BEND4: variants seen among roughly 807,000 people sequenced by gnomAD.
The protein encoded by BEND4 is BEN domain-containing protein 4.
Under a neutral mutation model 54.7 loss-of-function variants are expected in BEND4, and 27 were observed. The observed-to-expected ratio is 0.49, with a 90% confidence interval of 0.36 to 0.68. The LOEUF (loss-of-function observed/expected upper bound fraction) is 0.68, where lower values mean the gene tolerates loss of function less well. BEND4 is among the 30% of genes least tolerant of loss of function. The pLI, the probability that BEND4 is intolerant of heterozygous loss-of-function variation, is 0.00. For missense variants in BEND4, 702 were observed against 697.2 expected, an observed-to-expected ratio of 1.01 and a Z score of -0.08; for synonymous variants, 327 against 299.5, an observed-to-expected ratio of 1.09 and a Z score of -0.95.
At chr4:42,136,159 G>T (rs570200343) in intron 3 of BEND4, among the ~76,000 whole-genome samples, 1 of 152,088 alleles carries the variant, frequency 6.6e-6, no homozygotes. Context: ...ATCAGAAACC[G>T]ACCTAAGCAT....
intron 3 of BEND4, among the ~76,000 whole-genome samples, chr4:42,128,691 G>C (rs192901955): frequency 1.3e-5 from 2 of 151,754 alleles, no homozygotes; most frequent in Non-Finnish European, 2.9e-5. Flanking sequence ...GAAATAATGG[G>C]TATTCAAGGC....
At position 42,152,160 on chromosome 4, in the gene BEND4, G is replaced by C; in HGVS notation, c.-17C>G. ...TTCCTCCATCCGGCGCCTCGGGGCCGGTCCCTCGGAGCACGTCCCCTCCCC... is the reference window on the plus strand; with the variant it reads ...TTCCTCCATCCGGCGCCTCGGGGCCCGTCCCTCGGAGCACGTCCCCTCCCC... On this transcript the variant is annotated 5_prime_UTR_variant, in exon 2 of 6. Coordinates refer to ENST00000502486, the MANE Select transcript of BEND4 (RefSeq NM_207406.4). 1 of 1,240,934 alleles carries C rather than the reference G, an allele frequency of 8.1e-7. No individual in the cohort carries two copies. The highest frequency in any genetic ancestry group is 4.1e-5 in the South Asian group (1 of 24,330). The allele number at this position is 1,240,934 out of a possible 1,614,324, so 76.9% of individuals were successfully genotyped here.
intron 4 of BEND4, among the ~76,000 whole-genome samples, chr4:42,123,318 T>A (rs1720134861): frequency 6.6e-6 from 1 of 152,100 alleles, no homozygotes; most frequent in African/African-American, 2.4e-5. Flanking sequence ...ATTTCCCCTA[T>A]CTTTTCATTT....
chr4:42,145,878 C>T (rs1721064806), intron 2 of BEND4, among the ~76,000 whole-genome samples: 1 of 152,024 alleles, frequency 6.6e-6, no homozygotes, highest in Non-Finnish European at 1.5e-5. Context: ...CAGCACAACA[C>T]CTTGAGAAAT....
intron 3 of BEND4, among the ~76,000 whole-genome samples, chr4:42,131,175 A>T (rs566263999): frequency 1.3e-5 from 2 of 152,298 alleles, no homozygotes; most frequent in Admixed American, 1.3e-4. Flanking sequence ...GCACATGTTT[A>T]CCTATGTAAC....
chr4:42,128,458 T>C (rs938429436), intron 3 of BEND4, among the ~76,000 whole-genome samples: 2 of 151,826 alleles, frequency 1.3e-5, no homozygotes. Context: ...CCCGTTTCTA[T>C]TAAAAAACAC....
intron 4 of BEND4, among the ~76,000 whole-genome samples, chr4:42,123,718 C>A (rs116020028): frequency 0.056 from 4,331 of 76,764 alleles, 119 homozygotes; most frequent in African/African-American, 0.16. Flanking sequence ...AAAAAAAAAA[C>A]AACTTTCCAG....
intron 3 of BEND4, among the ~76,000 whole-genome samples, chr4:42,130,612 G>C (rs1720474002): frequency 1.3e-5 from 2 of 152,130 alleles, no homozygotes; most frequent in African/African-American, 4.8e-5. Context: ...TACACTGTTG[G>C]TGGGAAAGCA....
At chr4:42,129,128 T>C (rs556874370) in intron 3 of BEND4, among the ~76,000 whole-genome samples, 29 of 152,172 alleles carry the variant, frequency 1.9e-4, no homozygotes, top group Non-Finnish European at 4.0e-4. Context: ...AGCATTCCTA[T>C]ACACCAATAA....
chr4:42,147,723 C>T (rs1461103523), intron 2 of BEND4, among the ~76,000 whole-genome samples: 3 of 151,896 alleles, frequency 2.0e-5, no homozygotes, highest in Non-Finnish European at 4.4e-5. Flanking sequence ...GTGCCTTGTC[C>T]GATTCCAAAA....
At chr4:42,145,601 A>T (rs1271247857) in intron 2 of BEND4, among the ~76,000 whole-genome samples, 1 of 151,714 alleles carries the variant, frequency 6.6e-6, no homozygotes, top group Non-Finnish European at 1.5e-5. Context: ...CTGAGGCAGG[A>T]GAATCGCTTG....
rs1381271838 is a variant in BEND4 at position 42,112,709 on chromosome 4, G to A, written c.*4809C>T. 1.3e-5 allele frequency: 2 copies of A among 152,140 alleles called. No homozygotes were observed. The highest frequency in any genetic ancestry group is 2.4e-5 in the African/African-American group (1 of 41,422). 9.4% of individuals were successfully genotyped at this position (152,140 alleles called of 1,614,324 possible). A position where few individuals can be genotyped will look rare whatever the true frequency, so the allele number is the denominator to read the frequency against. ...TTAACCTGCAACTGAACATATTGTG[G>A]CGTGTGAAAGTGGTCTCTAATGTGT... is the stretch of plus-strand genomic sequence containing the variant. On this transcript the variant is annotated 3_prime_UTR_variant, in exon 6 of 6. Coordinates refer to ENST00000502486, the MANE Select transcript of BEND4 (RefSeq NM_207406.4).
intron 2 of BEND4, 175 bp downstream of exon 2, chr4:42,151,482 G>T: frequency 3.3e-6 from 2 of 597,020 alleles, no homozygotes; most frequent in Non-Finnish European, 5.0e-6. Flanking sequence ...AGGCGCGGCG[G>T]CGCTGGAGAA....
rs866025967 is a variant in BEND4, at chr4:42,151,855, C to A, written c.289G>T (p.Ala97Ser). 5.3e-6 allele frequency: 7 copies of A among 1,313,124 alleles called. No homozygotes were observed. In the South Asian group the frequency reaches 1.4e-4, roughly 26 times the overall value. 81.3% of individuals were successfully genotyped at this position (1,313,124 alleles called of 1,614,324 possible). A position where few individuals can be genotyped will look rare whatever the true frequency, so the allele number is the denominator to read the frequency against. ...PPGPGRAAAA[A>S]SSSSPSCTPA... ...GTGCAGGACGGCGACGACGACGAAG[C>A]GGCGGCGGCGGCCCGGCCGGGCCCG... The change falls in exon 2 of 6, where the codon GCT becomes TCT. Residue 97 changes from alanine (A) to serine (S), a missense_variant. Transcript: ENST00000502486.
At chr4:42,142,636 C>CA (rs56802075) in intron 3 of BEND4, among the ~76,000 whole-genome samples, 2,971 of 53,578 alleles carry the variant, frequency 0.055, 72 homozygotes, top group Non-Finnish European at 0.094. Flanking sequence ...GACTCCGTCT[C>CA]AAAAAAAAAA....
chr4:42,123,702 A>AAAAAAAAAACAAAAAC (rs1720153130), intron 4 of BEND4, among the ~76,000 whole-genome samples: 5 of 144,462 alleles, frequency 3.5e-5, no homozygotes, highest in African/African-American at 7.9e-5. Context: ...CAGAAAAAAA[A>AAAAAAAAAACAAAAAC]AAAAAAAAAA....
intron 3 of BEND4, among the ~76,000 whole-genome samples, chr4:42,134,834 A>C (rs1212621727): frequency 6.6e-6 from 1 of 152,220 alleles, no homozygotes; most frequent in Non-Finnish European, 1.5e-5. Context: ...GAGTAAAGGA[A>C]GGCCAGAAGT....
intron 5 of BEND4, 117 bp from the exon 6 acceptor site, chr4:42,117,852 G>A: frequency 1.5e-6 from 1 of 685,960 alleles, no homozygotes; most frequent in Non-Finnish European, 2.5e-6. Flanking sequence ...AAAGCTTTAT[G>A]GGAAATCCAA....
At chr4:42,147,733 A>T (rs1721127307) in intron 2 of BEND4, among the ~76,000 whole-genome samples, 1 of 152,132 alleles carries the variant, frequency 6.6e-6, no homozygotes, top group Admixed American at 6.5e-5. Flanking sequence ...CGATTCCAAA[A>T]TCTGAACCCA....
Sources: allele counts gnomAD v4.1 joint callset (sites outside exome capture counted in the v4.1 genomes callset), GRCh38; gene constraint gnomAD v4.1.1; transcripts MANE v1.5; gene names NCBI Gene and HGNC (gene_info 2026-07-23, HGNC 2026-07-21).